OR2B11: variants seen among roughly 807,000 people sequenced by gnomAD.
OR2B11 encodes the protein olfactory receptor 2B11.
For missense variants in OR2B11, 422 were observed against 400.0 expected (o/e 1.05, Z -0.47); for synonymous variants, 198 against 174.5 (o/e 1.13, Z -1.06).
In OR2B11 at chr1:247,451,678, G is replaced by A; in HGVS notation, c.305C>T (p.Thr102Ile). ...SQKTISYGGC[T>I]VQYAVFHWLG... ...CCAGTGGAAGACTGCATATTGCACAGTGCAGCCTCCATAGCTGATGGTCTT... is the reference window on the plus strand; with the variant it reads ...CCAGTGGAAGACTGCATATTGCACAATGCAGCCTCCATAGCTGATGGTCTT... The change falls in exon 2 of 2, where the codon ACT becomes ATT. Residue 102 changes from threonine to isoleucine, a missense_variant. By Grantham distance (89) the Thr-to-Ile change is moderately conservative. Coordinates refer to ENST00000641149, the MANE Select transcript of OR2B11 (RefSeq NM_001004492.2). 1 of 1,614,222 alleles carries A rather than the reference G, an allele frequency of 6.2e-7. No individual in the cohort carries two copies.
rs560802340 is a variant in OR2B11, at chr1:247,452,102, C to T, written c.-120G>A. On this transcript the variant is annotated 5_prime_UTR_variant, in exon 2 of 2. Coordinates refer to ENST00000641149, the MANE Select transcript of OR2B11 (RefSeq NM_001004492.2). ...CACTCTTCCTTTCCCAGGTGATAGCCTGTTTGATTCTCCTTACCTCTGTGG... is the reference window on the plus strand; with the variant it reads ...CACTCTTCCTTTCCCAGGTGATAGCTTGTTTGATTCTCCTTACCTCTGTGG... 1 of 670,548 alleles carries T rather than the reference C, an allele frequency of 1.5e-6. No homozygotes were observed. Among genetic ancestry groups the T allele is most frequent in the Non-Finnish European group, 2.6e-6 (1 of 386,870 alleles). 41.5% of individuals were successfully genotyped at this position (670,548 alleles called of 1,614,324 possible).
rs991465528 is a variant in OR2B11 at position 247,451,803 on chromosome 1, G to A, written c.180C>T (p.His60=). The change falls in exon 2 of 2, where the codon CAC becomes CAT. Residue 60 remains histidine, a synonymous_variant. Coordinates refer to ENST00000641149, the MANE Select transcript of OR2B11 (RefSeq NM_001004492.2). The part of the protein sequence containing the change: ...ILASRVDPQL[H]SPMYIFLSHL... The stretch of plus-strand genomic sequence containing the variant: ...GACTGAGGAAGATGTACATGGGGCT[G>A]TGGAGTTGAGGATCCACCCGGGATG... 1 of 1,614,214 alleles carries A rather than the reference G, an allele frequency of 6.2e-7. No individual in the cohort carries two copies. The highest frequency in any genetic ancestry group is 1.1e-5 in the South Asian group (1 of 91,088).
rs1269623282 is a variant in OR2B11, at chr1:247,449,422, C to T, written c.*1607G>A. On this transcript the variant is annotated 3_prime_UTR_variant, in exon 2 of 2. Transcript: ENST00000641149. ...TCCGAGGAACAGTTCATCTATTATACTTCACAGAGCATTAAGTTATAAGGA... is the reference window on the plus strand; with the variant it reads ...TCCGAGGAACAGTTCATCTATTATATTTCACAGAGCATTAAGTTATAAGGA... 6.6e-6 allele frequency: 1 copy of T among 152,234 alleles called. No homozygotes were observed. Among genetic ancestry groups the T allele is most frequent in the Non-Finnish European group, 1.5e-5 (1 of 68,048 alleles). The allele number at this position is 152,234 out of a possible 1,614,324, so 9.4% of individuals were successfully genotyped here. A position where few individuals can be genotyped will look rare whatever the true frequency, so the allele number is the denominator to read the frequency against.
intron 1 of OR2B11, among the ~76,000 whole-genome samples, chr1:247,455,740 C>T (rs1011569322): frequency 7.2e-5 from 11 of 152,170 alleles, no homozygotes; most frequent in Admixed American, 7.2e-4. Flanking sequence ...CATCCTGTGC[C>T]AGGACTGGGG....
chr1:247,456,487 T>C (rs1472800172), intron 1 of OR2B11, among the ~76,000 whole-genome samples: 2 of 152,164 alleles, frequency 1.3e-5, no homozygotes, highest in Non-Finnish European at 2.9e-5. Flanking sequence ...AAACACCCTG[T>C]AAACCTGAAA....
At position 247,452,203 on chromosome 1, in the gene OR2B11, A is replaced by T; in HGVS notation, c.-221T>A. 1.8e-6 allele frequency: 1 copy of T among 542,240 alleles called. No homozygotes were observed. Among genetic ancestry groups the T allele is most frequent in the Non-Finnish European group, 3.3e-6 (1 of 303,592 alleles). The allele number at this position is 542,240 out of a possible 1,614,324, so 33.6% of individuals were successfully genotyped here. The stretch of plus-strand genomic sequence containing the variant: ...TGTGTCTTTGCTCTCCTTCCTACTC[A>T]GTGGCCGCAACTAAACCATTTAATA... On this transcript the variant is annotated 5_prime_UTR_variant, in exon 2 of 2. An upstream open reading frame in the 5' UTR loses its in-frame stop. Transcript: ENST00000641149.
chr1:247,449,345 A>T lies in OR2B11; in HGVS notation c.*1684T>A, dbSNP rs1664788066. On this transcript the variant is annotated 3_prime_UTR_variant, in exon 2 of 2. Coordinates refer to ENST00000641149, the MANE Select transcript of OR2B11 (RefSeq NM_001004492.2). ...GCGCTCCTAACTAGAAGTATTATGT[A>T]GAAGATGCATCTTGCTTTCAGTTGA... 1 of 152,252 alleles carries T rather than the reference A, an allele frequency of 6.6e-6. No individual in the cohort carries two copies. The allele number at this position is 152,252 out of a possible 1,614,324, so 9.4% of individuals were successfully genotyped here. A position where few individuals can be genotyped will look rare whatever the true frequency, so the allele number is the denominator to read the frequency against.
rs1268203539 is a variant in OR2B11 at position 247,450,920 on chromosome 1, G to T, written c.*109C>A. The T allele has an allele frequency of 3.4e-6, 2 of 585,382 alleles. No homozygotes were observed. Among genetic ancestry groups the T allele is most frequent in the Non-Finnish European group, 5.6e-6 (2 of 356,792 alleles). The allele number at this position is 585,382 out of a possible 1,614,324, so 36.3% of individuals were successfully genotyped here. On this transcript the variant is annotated 3_prime_UTR_variant, in exon 2 of 2. Transcript: ENST00000641149. ...AGGAAGTGAGATGTTTGAAGACAGG[G>T]TTTTTGAGCTCTCTGGGTATTAACT...
At position 247,453,221 on chromosome 1, in the gene OR2B11, C is replaced by A. The variant is rs934064272; in HGVS notation, c.-1239G>T. On this transcript the variant is annotated 5_prime_UTR_variant, in exon 2 of 2. Coordinates refer to ENST00000641149, the MANE Select transcript of OR2B11 (RefSeq NM_001004492.2). ...CCTTATGCATAGACTGTAAAACTAACGGAGATCTGCTCAGCTTACATGTTG... is the reference window on the plus strand; with the variant it reads ...CCTTATGCATAGACTGTAAAACTAAAGGAGATCTGCTCAGCTTACATGTTG... 1 of 152,142 alleles carries A rather than the reference C, an allele frequency of 6.6e-6. No homozygotes were observed. Among genetic ancestry groups the A allele is most frequent in the Admixed American group, 6.5e-5 (1 of 15,280 alleles). 9.4% of individuals were successfully genotyped at this position (152,142 alleles called of 1,614,324 possible).
Position 247,449,322 on chromosome 1 carries a change from G to A in OR2B11, c.*1707C>T, listed in dbSNP as rs981116508. The A allele has an allele frequency of 8.6e-5, 13 of 151,142 alleles. No homozygotes were observed. The highest frequency in any genetic ancestry group is 1.5e-4 in the Non-Finnish European group (10 of 67,688). 9.4% of individuals were successfully genotyped at this position (151,142 alleles called of 1,614,324 possible). On this transcript the variant is annotated 3_prime_UTR_variant, in exon 2 of 2. Transcript: ENST00000641149. ...AAGGTTTGAGAGTATCAGAGCCTGC[G>A]CTCCTAACTAGAAGTATTATGTAGA...
At position 247,454,797 on chromosome 1, in the gene OR2B11, C is replaced by T. The variant is rs975508926; in HGVS notation, c.-2815G>A. The T allele has an allele frequency of 6.6e-6, 1 of 152,208 alleles. No homozygotes were observed. The highest frequency in any genetic ancestry group is 6.5e-5 in the Admixed American group (1 of 15,286). 9.4% of individuals were successfully genotyped at this position (152,208 alleles called of 1,614,324 possible). ...CCTGGGCAGAAACGCCCACCAGGAC[C>T]CCTCTTGGAACTTGCTACCTGCCTC... On this transcript the variant is annotated 5_prime_UTR_variant, in exon 2 of 2. Coordinates refer to ENST00000641149, the MANE Select transcript of OR2B11 (RefSeq NM_001004492.2).
At chr1:247,457,520 A>G (rs572071015) in intron 1 of OR2B11, 119 bp downstream of exon 1, 1 of 152,534 alleles carries the variant, frequency 6.6e-6, no homozygotes, top group African/African-American at 2.4e-5. Flanking sequence ...CGACCCATCC[A>G]TCCTCCACCT....
In OR2B11 at chr1:247,451,946, G is replaced by A. The variant is rs751596152; in HGVS notation, c.37C>T (p.Pro13Ser). Residue 13 changes from proline to serine, a missense_variant, in exon 2 of 2, where the codon CCT (proline) becomes TCT (serine). Coordinates refer to ENST00000641149, the MANE Select transcript of OR2B11 (RefSeq NM_001004492.2). The part of the protein sequence containing the change: ...SDNHSFLGDS[P>S]KAFILLGVSD... ...ACACCCAGAAGGATGAAGGCTTTAG[G>A]GGAGTCCCCTAAGAAGCTATGGTTG... 1.1e-5 allele frequency: 17 copies of A among 1,588,656 alleles called. No individual in the cohort carries two copies. The highest frequency in any genetic ancestry group is 7.1e-5 in the African/African-American group (5 of 70,768).
rs74154655 is a variant in OR2B11, at chr1:247,452,141, C to T, written c.-159G>A. 65 of 605,894 alleles carry T rather than the reference C, an allele frequency of 1.1e-4. No homozygotes were observed. The highest frequency in any genetic ancestry group is 8.2e-4 in the Admixed American group (28 of 34,222). 37.5% of individuals were successfully genotyped at this position (605,894 alleles called of 1,614,324 possible). A position where few individuals can be genotyped will look rare whatever the true frequency, so the allele number is the denominator to read the frequency against. On this transcript the variant is annotated 5_prime_UTR_variant, in exon 2 of 2. Transcript: ENST00000641149. Reference sequence around the variant, plus strand: ...TTACCTCTGTGGAGACGCTGGGATGCGGAAGGGTCAGAACCAGGAGCCCCA... The same window carrying T: ...TTACCTCTGTGGAGACGCTGGGATGTGGAAGGGTCAGAACCAGGAGCCCCA...
At position 247,453,097 on chromosome 1, in the gene OR2B11, T is replaced by C. The variant is rs57306100; in HGVS notation, c.-1115A>G. On this transcript the variant is annotated 5_prime_UTR_variant, in exon 2 of 2. Transcript: ENST00000641149. ...GGGGATGTTATGCTCCATGATAGGA[T>C]TGAAAAATATTATTAATAAACAATA... 3.8e-3 allele frequency: 575 copies of C among 152,338 alleles called. 2 individuals are homozygous for C. Among genetic ancestry groups the C allele is most frequent in the African/African-American group, 0.013 (557 of 41,566 alleles). 9.4% of individuals were successfully genotyped at this position (152,338 alleles called of 1,614,324 possible). A position where few individuals can be genotyped will look rare whatever the true frequency, so the allele number is the denominator to read the frequency against.
rs1477559243 is a variant in OR2B11 at position 247,451,969 on chromosome 1, T to C, written c.14A>G (p.Asn5Ser). 8.7e-6 allele frequency: 14 copies of C among 1,603,260 alleles called. No individual in the cohort carries two copies. The highest frequency in any genetic ancestry group is 1.2e-5 in the Non-Finnish European group (14 of 1,171,286). The change falls in exon 2 of 2, where the codon AAC becomes AGC. Residue 5 changes from asparagine (N) to serine (S), a missense_variant. Transcript: ENST00000641149. MKSD[N>S]HSFLGDSPKA... is the part of the protein sequence containing the mutation. ...AGGGGAGTCCCCTAAGAAGCTATGG[T>C]TGTCACTTTTCATGTTGCGGCATTT... is the stretch of plus-strand genomic sequence containing the variant.
At position 247,451,773 on chromosome 1, in the gene OR2B11, C is replaced by T. The variant is rs752905487; in HGVS notation, c.210G>A (p.Leu70=). The T allele has an allele frequency of 6.2e-7, 1 of 1,614,198 alleles. No homozygotes were observed. Among genetic ancestry groups the T allele is most frequent in the South Asian group, 1.1e-5 (1 of 91,086 alleles). The change falls in exon 2 of 2, where the codon CTG becomes CTA. Residue 70 remains leucine, a synonymous_variant. Transcript: ENST00000641149. ...TGGTGTAGCAGAGGTCCAGGAAGGA[C>T]AGGTGACTGAGGAAGATGTACATGG... ...HSPMYIFLSH[L]SFLDLCYTTT...
Position 247,454,868 on chromosome 1 carries a change from C to T in OR2B11, c.-2886G>A, listed in dbSNP as rs1055578977. On this transcript the variant is annotated 5_prime_UTR_variant, in exon 2 of 2. Transcript: ENST00000641149. ...CTCACTCACCCTCACACGAAGTCAT[C>T]TTTCTGAGACTCAGGCCTTAAGGCA... The T allele has an allele frequency of 1.3e-5, 2 of 152,198 alleles. No individual in the cohort carries two copies. Among genetic ancestry groups the T allele is most frequent in the African/African-American group, 4.8e-5 (2 of 41,446 alleles). 9.4% of individuals were successfully genotyped at this position (152,198 alleles called of 1,614,324 possible).
At chr1:247,457,276 T>C (rs1473096891) in intron 1 of OR2B11, among the ~76,000 whole-genome samples, 1 of 152,066 alleles carries the variant, frequency 6.6e-6, no homozygotes, top group African/African-American at 2.4e-5. Context: ...ATGGCCCTGC[T>C]CAGCTCACTA....
Sources: allele counts gnomAD v4.1 joint callset (sites outside exome capture counted in the v4.1 genomes callset), GRCh38; gene constraint gnomAD v4.1.1; transcripts MANE v1.5; gene names NCBI Gene and HGNC (gene_info 2026-07-23, HGNC 2026-07-21).